The following HIVEP2 variants were observed in gnomAD, a reference collection of about 807,000 sequenced individuals.
HIVEP2 encodes HIVEP zinc finger 2.
Under a neutral mutation model 180.7 loss-of-function variants are expected in HIVEP2, and 14 were observed. That is an observed-to-expected ratio of 0.08 (90% CI 0.05 to 0.12). The LOEUF is 0.12. Ranked by LOEUF, HIVEP2 falls within the 10% of genes least tolerant of loss-of-function variation. HIVEP2 has a pLI of 1.00. For synonymous variants in HIVEP2, 1,184 were observed against 1,136.4 expected, an observed-to-expected ratio of 1.04 and a Z score of -0.84; for missense variants, 2,579 against 3,008.5, an observed-to-expected ratio of 0.86 and a Z score of 3.34.
chr6:142,815,159 A>G (rs79388782), intron 2 of HIVEP2, among the ~76,000 whole-genome samples: 18,194 of 152,224 alleles, frequency 0.12, 1,397 homozygotes, highest in Middle Eastern at 0.2. Context: ...GCGTGGCCTA[A>G]TCACCTCTCC....
At position 142,773,830 on chromosome 6, in the gene HIVEP2, C is replaced by T. The variant is rs1284106533; in HGVS notation, c.909G>A (p.Leu303=). Residue 303 remains leucine, a synonymous_variant, in exon 5 of 10, where the codon CTG becomes CTA. Transcript: ENST00000367603. ...GATAGCCGCCTCTGCTGGCAATGTCCAGTGGGATGGGTGGACCAGGACTCA... is the reference window on the plus strand; with the variant it reads ...GATAGCCGCCTCTGCTGGCAATGTCTAGTGGGATGGGTGGACCAGGACTCA... The part of the protein sequence containing the change: ...DKMSPGPPIP[L]DIASRGGYHG... 6.2e-7 allele frequency: 1 copy of T among 1,613,620 alleles called. No homozygotes were observed. Among genetic ancestry groups the T allele is most frequent in the African/African-American group, 1.3e-5 (1 of 74,930 alleles).
At chr6:142,775,891 T>C (rs1254699480) in intron 4 of HIVEP2, among the ~76,000 whole-genome samples, 2 of 150,944 alleles carry the variant, frequency 1.3e-5, no homozygotes, top group Admixed American at 6.6e-5. Context: ...TAACATAGTA[T>C]ACATATAAGC....
intron 1 of HIVEP2, among the ~76,000 whole-genome samples, chr6:142,851,596 C>T (rs957626614): frequency 6.6e-6 from 1 of 152,236 alleles, no homozygotes; most frequent in East Asian, 1.9e-4. Flanking sequence ...GGCTCAGGAA[C>T]TTGTCTACAG....
intron 1 of HIVEP2, among the ~76,000 whole-genome samples, chr6:142,855,192 C>T (rs146081112): frequency 2.6e-5 from 4 of 152,320 alleles, no homozygotes; most frequent in African/African-American, 4.8e-5. Flanking sequence ...ATGAACCACC[C>T]ACGTGGTAAG....
At chr6:142,917,348 G>A (rs1262721523) in intron 1 of HIVEP2, among the ~76,000 whole-genome samples, 2 of 152,150 alleles carry the variant, frequency 1.3e-5, no homozygotes, top group African/African-American at 4.8e-5. Flanking sequence ...AAAATTTTCT[G>A]AGTGCAGATC....
At chr6:142,840,844 A>T (rs1197477788) in intron 1 of HIVEP2, among the ~76,000 whole-genome samples, 1 of 152,150 alleles carries the variant, frequency 6.6e-6, no homozygotes, top group Non-Finnish European at 1.5e-5. Flanking sequence ...GATTGAAATT[A>T]TCTACAAAGC....
intron 1 of HIVEP2, among the ~76,000 whole-genome samples, chr6:142,941,901 CAG>C (rs1355445244): frequency 3.3e-5 from 5 of 152,174 alleles, no homozygotes; most frequent in Non-Finnish European, 5.9e-5. Flanking sequence ...TATAGACCAA[CAG>C]AGAGTTCCGC....
intron 2 of HIVEP2, among the ~76,000 whole-genome samples, chr6:142,825,287 T>TACACAC (rs11468410): frequency 1.0e-3 from 156 of 149,818 alleles, no homozygotes; most frequent in Middle Eastern, 6.9e-3. Context: ...AAAGTCCAAT[T>TACACAC]ACACACACAC....
chr6:142,795,361 A>T (rs973114685), intron 2 of HIVEP2, among the ~76,000 whole-genome samples: 4 of 152,158 alleles, frequency 2.6e-5, no homozygotes, highest in African/African-American at 9.6e-5. Flanking sequence ...CTTAAGAAAA[A>T]AACAACCCAC....
chr6:142,758,325 G>A (rs902197739), intron 9 of HIVEP2, among the ~76,000 whole-genome samples: 1 of 152,218 alleles, frequency 6.6e-6, no homozygotes, highest in African/African-American at 2.4e-5. Context: ...AGATGGTGCT[G>A]GGGATGGGGA....
At chr6:142,799,728 T>C (rs1261945301) in intron 2 of HIVEP2, among the ~76,000 whole-genome samples, 1 of 152,132 alleles carries the variant, frequency 6.6e-6, no homozygotes, top group East Asian at 1.9e-4. Flanking sequence ...CAATTAAAGT[T>C]CAAGGTGGTA....
intron 1 of HIVEP2, among the ~76,000 whole-genome samples, chr6:142,857,738 C>T (rs1775859959): frequency 6.6e-6 from 1 of 152,196 alleles, no homozygotes; most frequent in South Asian, 2.1e-4. Flanking sequence ...CTGTAAACAC[C>T]TAATCATGAG....
intron 2 of HIVEP2, among the ~76,000 whole-genome samples, chr6:142,793,673 T>TTCTTTCTTTCTCTCTC (rs1289211652): frequency 1.9e-5 from 2 of 107,426 alleles, no homozygotes; most frequent in African/African-American, 7.4e-5. Flanking sequence ...CTTTCTTTCT[T>TTCTTTCTTTCTCTCTC]TCTCTCTCTC....
intron 1 of HIVEP2, among the ~76,000 whole-genome samples, chr6:142,885,410 T>C (rs1353299550): frequency 6.6e-6 from 1 of 151,948 alleles, no homozygotes; most frequent in Non-Finnish European, 1.5e-5. Flanking sequence ...AGCAACACCG[T>C]GAGCCCCTGT....
intron 2 of HIVEP2, among the ~76,000 whole-genome samples, chr6:142,793,673 T>TTCTCTCTCTCTC (rs71546219): frequency 2.0e-3 from 215 of 107,430 alleles, no homozygotes; most frequent in East Asian, 6.5e-3. Context: ...CTTTCTTTCT[T>TTCTCTCTCTCTC]TCTCTCTCTC....
At chr6:142,828,018 TG>T (rs1487394110) in intron 2 of HIVEP2, among the ~76,000 whole-genome samples, 1 of 152,244 alleles carries the variant, frequency 6.6e-6, no homozygotes, top group Non-Finnish European at 1.5e-5. Flanking sequence ...ATTTCTATAC[TG>T]AAACCTCTTC....
chr6:142,776,582 G>T (rs946019347), intron 3 of HIVEP2, among the ~76,000 whole-genome samples: 3 of 151,460 alleles, frequency 2.0e-5, no homozygotes, highest in African/African-American at 7.3e-5. Flanking sequence ...CCAGGCTGGA[G>T]TACAGTGGTG....
chr6:142,765,151 A>G (rs1775349665), intron 6 of HIVEP2, among the ~76,000 whole-genome samples, 177 bp from the exon 7 acceptor site: 1 of 152,240 alleles, frequency 6.6e-6, no homozygotes, highest in African/African-American at 2.4e-5. Flanking sequence ...AAAGAACTAG[A>G]TAATAGATTT....
At chr6:142,791,714 G>T (rs888024516) in intron 2 of HIVEP2, among the ~76,000 whole-genome samples, 1 of 152,060 alleles carries the variant, frequency 6.6e-6, no homozygotes, top group Non-Finnish European at 1.5e-5. Flanking sequence ...AGATATTACT[G>T]CCTCATTTAC....
Sources: allele counts gnomAD v4.1 joint callset (sites outside exome capture counted in the v4.1 genomes callset), GRCh38; gene constraint gnomAD v4.1.1; transcripts MANE v1.5; gene names NCBI Gene and HGNC (gene_info 2026-07-23, HGNC 2026-07-21).